Variants in CRKL observed in about 807,000 individuals in gnomAD.
The protein encoded by CRKL is CRK like proto-oncogene, adaptor protein, also known as crk-like protein.
A neutral mutation model predicts 23.0 loss-of-function variants in CRKL; 3 were observed. The observed-to-expected ratio is 0.13, with a 90% CI of 0.06 to 0.34. The LOEUF is 0.34. Ranked by LOEUF, CRKL falls within the 10% of genes least tolerant of loss-of-function variation. CRKL has a pLI of 1.00. For synonymous variants in CRKL, 188 were observed against 160.7 expected, an observed-to-expected ratio of 1.17 and a Z score of -1.28; for missense variants, 256 against 394.5, an observed-to-expected ratio of 0.65 and a Z score of 2.97.
intron 1 of CRKL, among the ~76,000 whole-genome samples, chr22:20,928,117 A>C (rs1269634552): frequency 6.6e-6 from 1 of 152,106 alleles, no homozygotes; most frequent in African/African-American, 2.4e-5. Context: ...AGATCACACC[A>C]CTACACTCCA....
intron 1 of CRKL, among the ~76,000 whole-genome samples, chr22:20,926,969 A>T (rs1209388066): frequency 6.6e-6 from 1 of 151,326 alleles, no homozygotes; most frequent in Non-Finnish European, 1.5e-5. Context: ...AAAATTAGCC[A>T]GGCATGGTGG....
intron 1 of CRKL, among the ~76,000 whole-genome samples, chr22:20,926,623 A>T (rs1327651653): frequency 6.6e-6 from 1 of 152,170 alleles, no homozygotes; most frequent in Non-Finnish European, 1.5e-5. Flanking sequence ...AGGGCTGAAT[A>T]CATATAGATT....
chr22:20,944,646 A>G (rs1361888511), intron 2 of CRKL, among the ~76,000 whole-genome samples: 1 of 149,730 alleles, frequency 6.7e-6, no homozygotes, highest in Non-Finnish European at 1.5e-5. Context: ...CTCGTGATCC[A>G]CCTGCCTCGG....
rs1012645212 is a variant in CRKL, at chr22:20,917,868, C to T, written c.-67C>T. ...CTCGGCCCCAAAGCCGTCTGCCGGG[C>T]TAAGGCGTGCAGAGCAGGCGAGGAC... On this transcript the variant is annotated 5_prime_UTR_variant, in exon 1 of 3. Coordinates refer to ENST00000354336, the MANE Select transcript of CRKL (RefSeq NM_005207.4). The T allele has an allele frequency of 5.3e-6, 8 of 1,500,088 alleles. No homozygotes were observed. In the African/African-American group the frequency reaches 8.3e-5, roughly 16 times the overall value. The allele number at this position is 1,500,088 out of a possible 1,614,324, so 92.9% of individuals were successfully genotyped here.
intron 1 of CRKL, among the ~76,000 whole-genome samples, chr22:20,933,299 T>C (rs1419610040): frequency 1.4e-5 from 2 of 142,360 alleles, no homozygotes. Context: ...GAACTTGGGA[T>C]GCAGAGGTTG....
At chr22:20,925,514 C>T (rs934741496) in intron 1 of CRKL, among the ~76,000 whole-genome samples, 3 of 152,222 alleles carry the variant, frequency 2.0e-5, no homozygotes, top group South Asian at 4.1e-4. Flanking sequence ...GACTTCGTCT[C>T]GGAAAACAAA....
chr22:20,936,507 C>T (rs1340072885), intron 2 of CRKL, among the ~76,000 whole-genome samples: 1 of 151,980 alleles, frequency 6.6e-6, no homozygotes, highest in Admixed American at 6.6e-5. Flanking sequence ...TGCCACCATG[C>T]CCGGCTAATT....
intron 2 of CRKL, among the ~76,000 whole-genome samples, chr22:20,943,503 G>A (rs1921950490): frequency 1.3e-5 from 2 of 152,192 alleles, no homozygotes; most frequent in African/African-American, 2.4e-5. Context: ...GCCTCCCAAA[G>A]TGCCAGGATT....
At chr22:20,945,703 C>G (rs1922033158) in intron 2 of CRKL, among the ~76,000 whole-genome samples, 1 of 152,206 alleles carries the variant, frequency 6.6e-6, no homozygotes. Context: ...CTTAAAGCCT[C>G]TATCTCTCTG....
chr22:20,947,126 C>T (rs562370593), intron 2 of CRKL, among the ~76,000 whole-genome samples: 54 of 149,770 alleles, frequency 3.6e-4, no homozygotes, highest in African/African-American at 1.3e-3. Flanking sequence ...CCTACTTCTG[C>T]TGGTCCAGGT....
chr22:20,949,954 C>T lies in CRKL; in HGVS notation c.*109C>T. The T allele has an allele frequency of 6.4e-6, 9 of 1,400,306 alleles. No individual in the cohort carries two copies. The highest frequency in any genetic ancestry group is 8.6e-6 in the Non-Finnish European group (9 of 1,048,060). The allele number at this position is 1,400,306 out of a possible 1,614,324, so 86.7% of individuals were successfully genotyped here. A position where few individuals can be genotyped will look rare whatever the true frequency, so the allele number is the denominator to read the frequency against. On this transcript the variant is annotated 3_prime_UTR_variant, in exon 3 of 3. Coordinates refer to ENST00000354336, the MANE Select transcript of CRKL (RefSeq NM_005207.4). The stretch of plus-strand genomic sequence containing the variant: ...CAAGTCACACTGCATTGCCGAAGTC[C>T]AGCTTTCTGCAGACTGGCAGTCGCA...
At chr22:20,929,895 A>G (rs1921377106) in intron 1 of CRKL, among the ~76,000 whole-genome samples, 1 of 152,230 alleles carries the variant, frequency 6.6e-6, no homozygotes, top group Non-Finnish European at 1.5e-5. Flanking sequence ...TCTAATGGAA[A>G]GGCTAAGATA....
chr22:20,935,636 C>T (rs1360655632), intron 2 of CRKL, among the ~76,000 whole-genome samples: 2 of 151,168 alleles, frequency 1.3e-5, no homozygotes, highest in Non-Finnish European at 2.9e-5. Context: ...AAGTGATTCT[C>T]CTGCCTCAGC....
chr22:20,927,704 G>A (rs1921275967), intron 1 of CRKL, among the ~76,000 whole-genome samples: 2 of 149,788 alleles, frequency 1.3e-5, no homozygotes, highest in South Asian at 2.1e-4. Flanking sequence ...TTAGCCGGGC[G>A]TGGTGGTAGA....
In CRKL at chr22:20,950,761, G is replaced by T. The variant is rs57573660; in HGVS notation, c.*916G>T. 1 of 224,834 alleles carries T rather than the reference G, an allele frequency of 4.4e-6. No homozygotes were observed. The highest frequency in any genetic ancestry group is 5.7e-5 in the Admixed American group (1 of 17,510). The allele number at this position is 224,834 out of a possible 1,614,324, so 13.9% of individuals were successfully genotyped here. On this transcript the variant is annotated 3_prime_UTR_variant, in exon 3 of 3. Coordinates refer to ENST00000354336, the MANE Select transcript of CRKL (RefSeq NM_005207.4). ...GTTAAGTAGCAGGTTGGGTTTTTAT[G>T]ATAGTGCAAGGAATGACTCATGCCT...
chr22:20,948,358 C>T (rs1601687268), intron 2 of CRKL, among the ~76,000 whole-genome samples: 1 of 152,018 alleles, frequency 6.6e-6, no homozygotes, highest in East Asian at 1.9e-4. Context: ...TGGAAATCCT[C>T]TGATATATAC....
rs771364672 is a variant in CRKL at position 20,933,890 on chromosome 22, C to T, written c.423C>T (p.Asp141=). The change falls in exon 2 of 3, where the codon GAC becomes GAT. Residue 141 remains aspartate (D), a synonymous_variant. Coordinates refer to ENST00000354336, the MANE Select transcript of CRKL (RefSeq NM_005207.4). ...LYDFPGNDAE[D]LPFKKGEILV... ...ATTTTCCTGGGAATGATGCCGAAGACCTGCCCTTTAAAAAGGGTGAGATCC... is the reference window on the plus strand; with the variant it reads ...ATTTTCCTGGGAATGATGCCGAAGATCTGCCCTTTAAAAAGGGTGAGATCC... 46 of 1,613,978 alleles carry T rather than the reference C, an allele frequency of 2.9e-5. No individual in the cohort carries two copies. Among genetic ancestry groups the T allele is most frequent in the South Asian group, 9.9e-5 (9 of 91,078 alleles).
Position 20,933,621 on chromosome 22 carries a change from T to C in CRKL, c.312-158T>C, listed in dbSNP as rs531720991. On this transcript the variant is annotated intron_variant, in intron 1 of 2. Transcript: ENST00000354336. ...AGGCAGAGTTTGCAGTGAGCTAAGATCACGCTATTGCACTCCAGCCTGGGC... is the reference window on the plus strand; with the variant it reads ...AGGCAGAGTTTGCAGTGAGCTAAGACCACGCTATTGCACTCCAGCCTGGGC... Among the ~76,000 whole-genome samples, 4 of 152,236 alleles carry C rather than the reference T, an allele frequency of 2.6e-5. No individual in the cohort carries two copies. The South Asian group carries it at 8.3e-4, about 32-fold the overall frequency.
intron 2 of CRKL, among the ~76,000 whole-genome samples, chr22:20,940,978 T>C (rs935990223): frequency 1.3e-5 from 2 of 152,124 alleles, no homozygotes; most frequent in African/African-American, 4.8e-5. Flanking sequence ...GGACTTTGTA[T>C]TGGACTCATG....
Sources: allele counts gnomAD v4.1 joint callset (sites outside exome capture counted in the v4.1 genomes callset), GRCh38; gene constraint gnomAD v4.1.1; transcripts MANE v1.5; gene names NCBI Gene and HGNC (gene_info 2026-07-23, HGNC 2026-07-21).